The following HIPK2 variants were observed in gnomAD, a reference collection of about 807,000 sequenced individuals.
HIPK2 encodes the protein homeodomain interacting protein kinase 2.
Under a neutral mutation model 113.7 loss-of-function variants are expected in HIPK2, and 27 were observed. That is an observed-to-expected ratio of 0.24 (90% CI 0.17 to 0.33). HIPK2 has a LOEUF of 0.33. Ranked by LOEUF, HIPK2 falls within the 10% of genes least tolerant of loss-of-function variation. The pLI is 1.00. For missense variants in HIPK2, 1,257 were observed against 1,588.0 expected (o/e 0.79, Z 3.54); for synonymous variants, 631 against 642.2 (o/e 0.98, Z 0.26).
intron 2 of HIPK2, among the ~76,000 whole-genome samples, chr7:139,700,169 GT>G (rs1443239283): frequency 2.0e-5 from 3 of 152,310 alleles, no homozygotes; most frequent in Admixed American, 2.0e-4. Flanking sequence ...AATCAGACGT[GT>G]TTTCAAGGGT....
intron 9 of HIPK2, among the ~76,000 whole-genome samples, chr7:139,611,653 T>G (rs919598356): frequency 1.3e-5 from 2 of 152,066 alleles, no homozygotes; most frequent in African/African-American, 4.8e-5. Context: ...GTGATCCTTT[T>G]GCCTCAGCCT....
chr7:139,626,818 G>A (rs1334829118), intron 5 of HIPK2, 33 bp from the exon 6 acceptor site: 4 of 1,611,372 alleles, frequency 2.5e-6, no homozygotes, highest in Non-Finnish European at 2.5e-6. Context: ...TACCAAGGAA[G>A]ACCCCAGCGT....
chr7:139,671,362 T>C (rs372663244), intron 2 of HIPK2, among the ~76,000 whole-genome samples: 14 of 152,356 alleles, frequency 9.2e-5, no homozygotes, highest in African/African-American at 3.1e-4. Context: ...ACTTTGTATT[T>C]ACTGACTTAC....
intron 2 of HIPK2, among the ~76,000 whole-genome samples, chr7:139,700,031 C>T (rs1019783289): frequency 9.9e-5 from 15 of 152,168 alleles, no homozygotes; most frequent in East Asian, 1.9e-4. Flanking sequence ...AGATATACGA[C>T]GTCTGTGCTA....
intron 5 of HIPK2, among the ~76,000 whole-genome samples, chr7:139,628,377 CATG>C (rs1800500294): frequency 6.6e-6 from 1 of 152,208 alleles, no homozygotes; most frequent in East Asian, 1.9e-4. Flanking sequence ...GAATTCTTCT[CATG>C]ATAACATCAG....
chr7:139,770,220 A>G (rs981144202), intron 1 of HIPK2, among the ~76,000 whole-genome samples: 4 of 152,240 alleles, frequency 2.6e-5, no homozygotes, highest in Non-Finnish European at 4.4e-5. Context: ...CAAATTTTAA[A>G]AGAACACATT....
chr7:139,628,939 C>A lies in HIPK2; in HGVS notation c.1434+14G>T, dbSNP rs1800518989. Reference sequence around the variant, plus strand: ...TTAAAGGGCTTACGTTGCATACTCACCCATGAAGCTTACCTGGGCCATATC... The same window carrying A: ...TTAAAGGGCTTACGTTGCATACTCAACCATGAAGCTTACCTGGGCCATATC... On this transcript the variant is annotated intron_variant, in intron 5 of 14. Coordinates refer to ENST00000406875, the MANE Select transcript of HIPK2 (RefSeq NM_022740.5). 3 of 1,583,906 alleles carry A rather than the reference C, an allele frequency of 1.9e-6. No individual in the cohort carries two copies. The highest frequency in any genetic ancestry group is 1.7e-6 in the Non-Finnish European group (2 of 1,162,712).
At chr7:139,636,212 T>G (rs1365170841) in intron 2 of HIPK2, among the ~76,000 whole-genome samples, 1 of 152,052 alleles carries the variant, frequency 6.6e-6, no homozygotes, top group Admixed American at 6.6e-5. Flanking sequence ...TTGGTTTTCA[T>G]GACATCGCTT....
At chr7:139,739,640 A>ACTG (rs1796041766) in intron 1 of HIPK2, among the ~76,000 whole-genome samples, 3 of 151,630 alleles carry the variant, frequency 2.0e-5, no homozygotes, top group Admixed American at 6.6e-5. Flanking sequence ...TGTGACCATC[A>ACTG]CTGCTATCTA....
At chr7:139,610,654 G>A (rs898000700) in intron 9 of HIPK2, among the ~76,000 whole-genome samples, 1 of 152,182 alleles carries the variant, frequency 6.6e-6, no homozygotes, top group South Asian at 2.1e-4. Context: ...CAGAGATGAA[G>A]AATACTTCAT....
intron 1 of HIPK2, among the ~76,000 whole-genome samples, chr7:139,735,392 ATTAG>A (rs1437055002): frequency 6.6e-6 from 1 of 152,184 alleles, no homozygotes; most frequent in Non-Finnish European, 1.5e-5. Flanking sequence ...CTTTTATAGA[ATTAG>A]TTAGTATGAA....
chr7:139,673,627 T>C (rs1027369246), intron 2 of HIPK2, among the ~76,000 whole-genome samples: 4 of 152,064 alleles, frequency 2.6e-5, no homozygotes, highest in African/African-American at 9.7e-5. Context: ...ATCATGTAAG[T>C]TCTCTAACTG....
Position 139,571,848 on chromosome 7 carries a change from C to A in HIPK2, c.*1079G>T, listed in dbSNP as rs1255771197. Reference sequence around the variant, plus strand: ...GACTGCGCCAGCTAGGGTGGCGGCGCCGAGGGCCACGCGGGGAGGGCGGCG... The same window carrying A: ...GACTGCGCCAGCTAGGGTGGCGGCGACGAGGGCCACGCGGGGAGGGCGGCG... On this transcript the variant is annotated 3_prime_UTR_variant, in exon 15 of 15. Coordinates refer to ENST00000406875, the MANE Select transcript of HIPK2 (RefSeq NM_022740.5). The A allele has an allele frequency of 6.6e-6, 1 of 152,228 alleles. No homozygotes were observed. Among genetic ancestry groups the A allele is most frequent in the African/African-American group, 2.4e-5 (1 of 41,464 alleles). 9.4% of individuals were successfully genotyped at this position (152,228 alleles called of 1,614,324 possible).
chr7:139,690,525 C>T (rs1198754435), intron 2 of HIPK2, among the ~76,000 whole-genome samples: 2 of 151,910 alleles, frequency 1.3e-5, no homozygotes, highest in East Asian at 1.9e-4. Context: ...TTTGTTCCCA[C>T]GAGAGCTAGT....
intron 2 of HIPK2, among the ~76,000 whole-genome samples, chr7:139,657,299 G>T (rs538271006): frequency 6.6e-6 from 1 of 152,342 alleles, no homozygotes; most frequent in South Asian, 2.1e-4. Context: ...TACTACGTCA[G>T]TCAGAGTCGT....
At chr7:139,773,908 C>T (rs531604395) in intron 1 of HIPK2, among the ~76,000 whole-genome samples, 1 of 152,282 alleles carries the variant, frequency 6.6e-6, no homozygotes, top group South Asian at 2.1e-4. Context: ...CAGCTGCAGC[C>T]CCTGAAACTC....
At chr7:139,775,959 A>G (rs1046702964) in intron 1 of HIPK2, among the ~76,000 whole-genome samples, 16 of 152,194 alleles carry the variant, frequency 1.1e-4, no homozygotes, top group African/African-American at 2.4e-5. Flanking sequence ...TCCTTCTCTC[A>G]ACTCACCGGG....
At chr7:139,730,004 T>C (rs1423718099) in intron 1 of HIPK2, among the ~76,000 whole-genome samples, 4 of 152,170 alleles carry the variant, frequency 2.6e-5, no homozygotes, top group Non-Finnish European at 5.9e-5. Flanking sequence ...CTGCAGCAGA[T>C]ACTGAGGAGG....
chr7:139,572,932 T>C lies in HIPK2; in HGVS notation c.3592A>G (p.Ile1198Val). 1 of 1,432,972 alleles carries C rather than the reference T, an allele frequency of 7.0e-7. No individual in the cohort carries two copies. Among genetic ancestry groups the C allele is most frequent in the Non-Finnish European group, 9.4e-7 (1 of 1,064,940 alleles). 88.8% of individuals were successfully genotyped at this position (1,432,972 alleles called of 1,614,324 possible). A position where few individuals can be genotyped will look rare whatever the true frequency, so the allele number is the denominator to read the frequency against. ...SPAKVNQYPYI is the reference protein window; with the variant it reads ...SPAKVNQYPYV The stretch of plus-strand genomic sequence containing the variant: ...CCCTCCCTCCCCTCCAGTGTTTATA[T>C]GTAAGGGTACTGGTTGACCTTGGCG... Residue 1198 changes from isoleucine to valine, a missense_variant, in exon 15 of 15, where the codon ATA becomes GTA. Physicochemically the swap from Ile to Val is conservative, Grantham distance 29 (BLOSUM62 3). Around this residue, in one of 5 missense-constraint regions of HIPK2, gnomAD observed 862 missense variants for 1,004.3 expected, o/e 0.86. Transcript: ENST00000406875.
Sources: gnomAD v4.1 joint callset for allele counts (sites outside exome capture counted in the v4.1 genomes callset) on GRCh38, gnomAD v4.1.1 for gene constraint, gnomAD v4.1.1 regional missense constraint, MANE v1.5 for transcripts, NCBI Gene and HGNC (gene_info 2026-07-23, HGNC 2026-07-21) for gene names.